The following EPHA5 variants were observed in gnomAD, a reference collection of about 807,000 sequenced individuals.
The protein encoded by EPHA5 is EPH receptor A5, also known as ephrin type-A receptor 5.
EPHA5 carries 60 observed loss-of-function variants against 105.0 expected under a neutral mutation model. The ratio of observed to expected loss-of-function variants is 0.57; its 90% CI spans 0.46 to 0.71. The LOEUF (loss-of-function observed/expected upper bound fraction) is 0.71. EPHA5 is among the 30% of genes least tolerant of loss of function. EPHA5 has a pLI of 0.00. For synonymous variants in EPHA5, 513 were observed against 449.1 expected (o/e 1.14, Z -1.80); for missense variants, 1,218 against 1,274.7 (o/e 0.96, Z 0.68).
chr4:65,603,483 AAC>A (rs1743937967), intron 2 of EPHA5, among the ~76,000 whole-genome samples: 1 of 152,122 alleles, frequency 6.6e-6, no homozygotes, highest in Non-Finnish European at 1.5e-5. Flanking sequence ...AGATAAAAAA[AAC>A]TTCATAGACA....
chr4:65,402,041 T>C (rs571435966), intron 8 of EPHA5, among the ~76,000 whole-genome samples: 8 of 152,124 alleles, frequency 5.3e-5, no homozygotes, highest in African/African-American at 1.9e-4. Flanking sequence ...GTGGAGGTAA[T>C]TGGATCATGC....
intron 8 of EPHA5, among the ~76,000 whole-genome samples, chr4:65,370,867 A>T (rs572539586): frequency 6.6e-6 from 1 of 152,222 alleles, no homozygotes; most frequent in Non-Finnish European, 1.5e-5. Flanking sequence ...AAGCATCATT[A>T]AAACAAGCCT....
At chr4:65,384,182 G>A (rs905455363) in intron 8 of EPHA5, among the ~76,000 whole-genome samples, 10 of 151,894 alleles carry the variant, frequency 6.6e-5, no homozygotes, top group Admixed American at 3.3e-4. Flanking sequence ...ATACCCATGC[G>A]CCTTTTTCCA....
intron 5 of EPHA5, among the ~76,000 whole-genome samples, chr4:65,475,659 G>A (rs1367905856): frequency 6.6e-6 from 1 of 152,096 alleles, no homozygotes; most frequent in Non-Finnish European, 1.5e-5. Context: ...TAAATTCATA[G>A]CATGTATGCC....
chr4:65,398,035 C>G lies in EPHA5; in HGVS notation c.1793+6339G>C, dbSNP rs543439806. ...ACAAGGTAGAAGCCTCACCACCCCC[C>G]TTCCAAGTTGGCAGGGGAGGAGCCC... On this transcript the variant is annotated intron_variant, in intron 8 of 16. Coordinates refer to ENST00000613740, the MANE Select transcript of EPHA5 (RefSeq NM_001281766.3). Among the ~76,000 whole-genome samples, 24 of 152,288 alleles carry G rather than the reference C, an allele frequency of 1.6e-4. No homozygotes were observed. In the South Asian group the frequency reaches 3.9e-3, roughly 25 times the overall value.
chr4:65,498,144 G>A (rs1732129762), intron 3 of EPHA5, among the ~76,000 whole-genome samples: 2 of 151,942 alleles, frequency 1.3e-5, no homozygotes, highest in South Asian at 4.1e-4. Flanking sequence ...TCCTTGCAAA[G>A]GACCACATGA....
rs769005692 is a variant in EPHA5 at position 65,348,134 on chromosome 4, C to A, written c.2515G>T (p.Asp839Tyr). Residue 839 changes from aspartate (D) to tyrosine (Y), a missense_variant, in exon 14 of 17, where the codon GAT (aspartate) becomes TAT (tyrosine). Physicochemically the swap from Asp to Tyr is radical, Grantham distance 160. Around this residue, in one of 3 missense-constraint regions of EPHA5, gnomAD observed 971 missense variants for 1,013.5 expected, o/e 0.96. Coordinates refer to ENST00000613740, the MANE Select transcript of EPHA5 (RefSeq NM_001281766.3). ...ATTACTATTCCATAACTCCAGACAT[C>A]ACTGGCAGAAGTAAACTTTCGGAAA... ...IAFRKFTSAS[D>Y]VWSYGIVMWE... The A allele has an allele frequency of 6.2e-7, 1 of 1,613,756 alleles. No homozygotes were observed. The highest frequency in any genetic ancestry group is 8.5e-7 in the Non-Finnish European group (1 of 1,179,802).
At chr4:65,608,461 G>T (rs548934234) in intron 2 of EPHA5, among the ~76,000 whole-genome samples, 1 of 151,084 alleles carries the variant, frequency 6.6e-6, no homozygotes, top group Non-Finnish European at 1.5e-5. Context: ...CCGAGATTGC[G>T]CCACTGCACC....
intron 7 of EPHA5, among the ~76,000 whole-genome samples, chr4:65,407,034 G>A (rs1411076923): frequency 6.6e-6 from 1 of 151,950 alleles, no homozygotes; most frequent in Non-Finnish European, 1.5e-5. Flanking sequence ...ATTCAAATCT[G>A]TATAATGAAA....
At chr4:65,370,934 T>C (rs1262103712) in intron 8 of EPHA5, among the ~76,000 whole-genome samples, 1 of 152,094 alleles carries the variant, frequency 6.6e-6, no homozygotes, top group Admixed American at 6.6e-5. Flanking sequence ...CAGGCAGCAT[T>C]CAGTCTCACT....
At chr4:65,325,778 C>T (rs1720018656) in intron 16 of EPHA5, among the ~76,000 whole-genome samples, 2 of 151,046 alleles carry the variant, frequency 1.3e-5, no homozygotes, top group Admixed American at 6.6e-5. Flanking sequence ...GTTTCTCAGC[C>T]TTGAACCTGT....
chr4:65,376,313 G>C (rs553475373), intron 8 of EPHA5, among the ~76,000 whole-genome samples: 1 of 152,106 alleles, frequency 6.6e-6, no homozygotes, highest in South Asian at 2.1e-4. Flanking sequence ...TCACAAAGTA[G>C]CTCCCATTGT....
At chr4:65,610,804 T>C (rs1313422228) in intron 2 of EPHA5, among the ~76,000 whole-genome samples, 4 of 152,126 alleles carry the variant, frequency 2.6e-5, no homozygotes, top group African/African-American at 4.8e-5. Context: ...TTTTAAAAGA[T>C]GCAAATAACA....
intron 5 of EPHA5, among the ~76,000 whole-genome samples, chr4:65,489,972 T>A (rs551868241): frequency 6.6e-6 from 1 of 152,048 alleles, no homozygotes; most frequent in Admixed American, 6.5e-5. Flanking sequence ...AGCAAGCAAA[T>A]AAACAAGCAA....
chr4:65,341,122 T>C (rs1366579861), intron 14 of EPHA5, among the ~76,000 whole-genome samples: 1 of 152,162 alleles, frequency 6.6e-6, no homozygotes, highest in African/African-American at 2.4e-5. Context: ...TTGACATAGG[T>C]TTCTTGGAGG....
At chr4:65,603,203 C>T (rs371992533) in intron 2 of EPHA5, among the ~76,000 whole-genome samples, 23 of 152,162 alleles carry the variant, frequency 1.5e-4, no homozygotes, top group African/African-American at 5.1e-4. Flanking sequence ...AAGAAGAGTT[C>T]TAAACCTATC....
intron 12 of EPHA5, 118 bp downstream of exon 12, chr4:65,352,924 A>C: frequency 2.0e-6 from 1 of 492,242 alleles, no homozygotes; most frequent in South Asian, 3.2e-5. Flanking sequence ...TGTTCTATTA[A>C]AAACTTAAGC....
intron 2 of EPHA5, among the ~76,000 whole-genome samples, chr4:65,639,187 T>C (rs930572831): frequency 2.0e-5 from 3 of 152,110 alleles, no homozygotes; most frequent in African/African-American, 4.8e-5. Flanking sequence ...AAAAGGAAAA[T>C]AAAGATGCAG....
intron 2 of EPHA5, among the ~76,000 whole-genome samples, chr4:65,607,116 T>G (rs1163795692): frequency 6.6e-6 from 1 of 152,158 alleles, no homozygotes; most frequent in African/African-American, 2.4e-5. Flanking sequence ...TATGTTTTGT[T>G]TCACACACTA....
Sources: allele counts gnomAD v4.1 joint callset (sites outside exome capture counted in the v4.1 genomes callset), GRCh38; gene constraint gnomAD v4.1.1; regional missense constraint gnomAD v4.1.1; transcripts MANE v1.5; gene names NCBI Gene and HGNC (gene_info 2026-07-23, HGNC 2026-07-21).